CHSY3: variants seen among roughly 807,000 people sequenced by gnomAD.
The protein encoded by CHSY3 is chondroitin sulfate synthase 3.
CHSY3 carries 35 observed loss-of-function variants against 67.2 expected under a neutral mutation model. The ratio of observed to expected loss-of-function variants is 0.52; its 90% CI spans 0.40 to 0.69. The LOEUF (loss-of-function observed/expected upper bound fraction) is 0.69, where lower values mean the gene tolerates loss of function less well. Among genes scored for constraint, CHSY3 ranks in the 30% least tolerant of loss-of-function variants. The pLI is 0.00. For synonymous variants in CHSY3, 474 were observed against 434.7 expected, an observed-to-expected ratio of 1.09 and a Z score of -1.12; for missense variants, 1,069 against 1,138.5, an observed-to-expected ratio of 0.94 and a Z score of 0.88.
chr5:129,954,385 TTATAG>T (rs1449996585), intron 2 of CHSY3, among the ~76,000 whole-genome samples: 1 of 152,136 alleles, frequency 6.6e-6, no homozygotes, highest in African/African-American at 2.4e-5. Flanking sequence ...TACTGTGGCC[TTATAG>T]TATAGTTTGA....
rs1209000890 is a variant in CHSY3, at chr5:129,904,928, G to C, written c.99G>C (p.Glu33Asp). ...ASWLIAPRVA[E>D]LSERKRRGSS... is the part of the protein sequence containing the mutation. Reference sequence around the variant, plus strand: ...GGCTCATCGCCCCCAGGGTGGCGGAGCTGAGCGAGAGGAAGAGACGTGGCT... The same window carrying C: ...GGCTCATCGCCCCCAGGGTGGCGGACCTGAGCGAGAGGAAGAGACGTGGCT... The change falls in exon 1 of 3, where the codon GAG becomes GAC. Residue 33 changes from glutamate to aspartate, a missense_variant. Physicochemically the swap from Glu to Asp is conservative, Grantham distance 45 (BLOSUM62 2). Transcript: ENST00000305031. The C allele has an allele frequency of 1.3e-6, 2 of 1,544,158 alleles. No homozygotes were observed. Among genetic ancestry groups the C allele is most frequent in the Non-Finnish European group, 1.7e-6 (2 of 1,148,544 alleles).
At chr5:130,116,966 G>T (rs750952136) in intron 2 of CHSY3, among the ~76,000 whole-genome samples, 4 of 152,016 alleles carry the variant, frequency 2.6e-5, no homozygotes, top group Non-Finnish European at 4.4e-5. Context: ...TCATTTCAAA[G>T]GGACCTGGGC....
At position 129,979,155 on chromosome 5, in the gene CHSY3, G is replaced by A. The variant is rs527642651; in HGVS notation, c.1086+70795G>A. On this transcript the variant is annotated intron_variant, in intron 2 of 2. Transcript: ENST00000305031. Reference sequence around the variant, plus strand: ...GCAGAGCTTGCAGTGAGCAGAGATCGCGCCCCTGCACTCCAGCCTGGGTGA... The same window carrying A: ...GCAGAGCTTGCAGTGAGCAGAGATCACGCCCCTGCACTCCAGCCTGGGTGA... 1.0e-4 allele frequency among the ~76,000 whole-genome samples: 14 copies of A among 135,064 alleles called. No homozygotes were observed. In the South Asian group the frequency reaches 2.0e-3, roughly 20 times the overall value. 88.6% of individuals were successfully genotyped at this position (135,064 alleles called of 152,430 possible).
At chr5:129,921,120 G>T (rs975100017) in intron 2 of CHSY3, among the ~76,000 whole-genome samples, 1 of 152,110 alleles carries the variant, frequency 6.6e-6, no homozygotes, top group African/African-American at 2.4e-5. Context: ...GTGCATAGCC[G>T]ATTTTTTTTC....
intron 2 of CHSY3, among the ~76,000 whole-genome samples, chr5:130,037,584 TATAA>T (rs1261619555): frequency 6.6e-6 from 1 of 152,114 alleles, no homozygotes; most frequent in East Asian, 1.9e-4. Context: ...ATATATATTA[TATAA>T]ATAAAGTCTT....
rs370295033 is a variant in CHSY3 at position 130,185,414 on chromosome 5, G to A, written c.2272G>A (p.Gly758Arg). 3.7e-6 allele frequency: 6 copies of A among 1,613,390 alleles called. No individual in the cohort carries two copies. Among genetic ancestry groups the A allele is most frequent in the Non-Finnish European group, 4.2e-6 (5 of 1,179,534 alleles). Residue 758 changes from glycine to arginine, a missense_variant, in exon 3 of 3, where the codon GGA (glycine) becomes AGA (arginine). Coordinates refer to ENST00000305031, the MANE Select transcript of CHSY3 (RefSeq NM_175856.5). ...SQYDPKVTNGGNPPTDDYFIF... is the reference protein window; with the variant it reads ...SQYDPKVTNGRNPPTDDYFIF... ...GTATGACCCAAAGGTAACAAACGGG[G>A]GAAATCCTCCCACTGATGATTACTT...
At chr5:129,947,333 C>G (rs185890375) in intron 2 of CHSY3, among the ~76,000 whole-genome samples, 2 of 152,032 alleles carry the variant, frequency 1.3e-5, no homozygotes, top group East Asian at 3.9e-4. Flanking sequence ...CAATTCAAGA[C>G]GAGATTTGAG....
At chr5:130,036,991 T>A (rs1380881622) in intron 2 of CHSY3, among the ~76,000 whole-genome samples, 1 of 152,140 alleles carries the variant, frequency 6.6e-6, no homozygotes, top group Non-Finnish European at 1.5e-5. Flanking sequence ...TCCTAACTCA[T>A]GTGGCATGTA....
Position 130,102,769 on chromosome 5 carries a change from G to A in CHSY3, c.1087-81460G>A, listed in dbSNP as rs957247878. 2.0e-5 allele frequency among the ~76,000 whole-genome samples: 3 copies of A among 152,136 alleles called. No individual in the cohort carries two copies. In the South Asian group the frequency reaches 6.2e-4, roughly 32 times the overall value. On this transcript the variant is annotated intron_variant, in intron 2 of 2. Coordinates refer to ENST00000305031, the MANE Select transcript of CHSY3 (RefSeq NM_175856.5). ...ATTCCTACATATTGGCCTGGTTGTC[G>A]AGAAGAATAAGGGAATGGGGTACCA...
intron 2 of CHSY3, among the ~76,000 whole-genome samples, chr5:130,037,398 T>TA (rs1482742517): frequency 1.3e-5 from 2 of 152,216 alleles, no homozygotes; most frequent in Non-Finnish European, 1.5e-5. Flanking sequence ...CAGAGGCTGT[T>TA]AGAGTTGGCG....
chr5:130,056,233 G>C (rs539952661), intron 2 of CHSY3, among the ~76,000 whole-genome samples: 1 of 149,884 alleles, frequency 6.7e-6, no homozygotes, highest in South Asian at 2.1e-4. Context: ...GGTGGTTCAA[G>C]AAAAAAGTTT....
intron 2 of CHSY3, among the ~76,000 whole-genome samples, chr5:130,084,511 G>A (rs892144662): frequency 6.6e-6 from 1 of 151,832 alleles, no homozygotes; most frequent in Non-Finnish European, 1.5e-5. Context: ...CTGAGAACAT[G>A]CGCCCAAGAT....
intron 2 of CHSY3, chr5:130,052,304 G>A (rs1414648855): frequency 3.9e-5 from 6 of 152,166 alleles, no homozygotes; most frequent in Admixed American, 1.3e-4. Context: ...CATAACTCCT[G>A]GGAGTTCCCC....
rs546772762 is a variant in CHSY3, at chr5:130,033,316, T to G, written c.1086+124956T>G. The stretch of plus-strand genomic sequence containing the variant: ...CCTTCAACCCCGGCATATATACAAC[T>G]ATTCTCTTTCCTCCATTTGTTCTTT... On this transcript the variant is annotated intron_variant, in intron 2 of 2. Transcript: ENST00000305031. Among the ~76,000 whole-genome samples, 8 of 152,258 alleles carry G rather than the reference T, an allele frequency of 5.3e-5. No individual in the cohort carries two copies. The South Asian group carries it at 1.7e-3, about 32-fold the overall frequency.
At chr5:130,003,687 A>C (rs1763796818) in intron 2 of CHSY3, among the ~76,000 whole-genome samples, 1 of 152,202 alleles carries the variant, frequency 6.6e-6, no homozygotes, top group Non-Finnish European at 1.5e-5. Flanking sequence ...CCAATGAATA[A>C]GAAGAGAGGG....
intron 2 of CHSY3, among the ~76,000 whole-genome samples, chr5:129,939,982 C>T (rs1292066270): frequency 6.6e-6 from 1 of 152,002 alleles, no homozygotes; most frequent in Non-Finnish European, 1.5e-5. Context: ...GTATGATTTC[C>T]ATATATTATA....
chr5:130,174,531 T>C (rs1769987371), intron 2 of CHSY3, among the ~76,000 whole-genome samples: 1 of 152,118 alleles, frequency 6.6e-6, no homozygotes, highest in Non-Finnish European at 1.5e-5. Flanking sequence ...GTAAACATAT[T>C]TGAATCATTT....
chr5:129,950,943 A>C (rs1217505885), intron 2 of CHSY3, among the ~76,000 whole-genome samples: 2 of 152,206 alleles, frequency 1.3e-5, no homozygotes, highest in Non-Finnish European at 2.9e-5. Flanking sequence ...CTGAATAGCT[A>C]AAACACAAGA....
chr5:130,037,693 T>G, intron 2 of CHSY3, among the ~76,000 whole-genome samples: 1 of 152,208 alleles, frequency 6.6e-6, no homozygotes, highest in South Asian at 2.1e-4. Flanking sequence ...ATTAACAATG[T>G]AATTTATTTT....
Sources: gnomAD v4.1 joint callset for allele counts (sites outside exome capture counted in the v4.1 genomes callset) on GRCh38, gnomAD v4.1.1 for gene constraint, MANE v1.5 for transcripts, NCBI Gene and HGNC (gene_info 2026-07-23, HGNC 2026-07-21) for gene names.